The following NDRG2 variants were observed in gnomAD, a reference collection of about 807,000 sequenced individuals.
NDRG2 encodes protein NDRG2.
NDRG2 carries 34 observed loss-of-function variants against 58.2 expected under a neutral mutation model. The ratio of observed to expected loss-of-function variants is 0.58; its 90% CI spans 0.44 to 0.78. The LOEUF (loss-of-function observed/expected upper bound fraction) is 0.78, where lower values mean the gene tolerates loss of function less well. Among genes scored for constraint, NDRG2 ranks in the 30% least tolerant of loss-of-function variants. The pLI is 0.00. For synonymous variants in NDRG2, 187 were observed against 175.9 expected, an observed-to-expected ratio of 1.06 and a Z score of -0.50; for missense variants, 434 against 471.2, an observed-to-expected ratio of 0.92 and a Z score of 0.73.
At position 21,019,558 on chromosome 14, in the gene NDRG2, C is replaced by T; in HGVS notation, c.716+81G>A. On this transcript the variant is annotated intron_variant, in intron 10 of 15. Transcript: ENST00000556147. ...CATTGCACACTACCCAGACTTCCCT[C>T]TCCTCCTCTGTGCCTCCCCCATGAC... 4 of 919,950 alleles carry T rather than the reference C, an allele frequency of 4.3e-6. No individual in the cohort carries two copies. The South Asian group carries it at 4.6e-5, about 11-fold the overall frequency. The allele number at this position is 919,950 out of a possible 1,614,324, so 57.0% of individuals were successfully genotyped here.
intron 3 of NDRG2, 49 bp downstream of exon 3, chr14:21,022,815 G>A (rs1287488247): frequency 1.9e-6 from 3 of 1,589,704 alleles, no homozygotes; most frequent in South Asian, 2.2e-5. Context: ...TTCTACTGGG[G>A]AAGAGGACAG....
chr14:21,070,252 T>G lies in NDRG2; in HGVS notation c.24+576A>C. The G allele has an allele frequency of 4.5e-6, 4 of 895,216 alleles. No individual in the cohort carries two copies. Among genetic ancestry groups the G allele is most frequent in the Non-Finnish European group, 5.7e-6 (4 of 698,498 alleles). The allele number at this position is 895,216 out of a possible 1,614,324, so 55.5% of individuals were successfully genotyped here. ...CCCTCCCTGGCGGGGCCCCGCGGCC[T>G]GGAAGCCGGAGCGGGCCGAGCCGCC... On this transcript the variant is annotated intron_variant, in intron 1 of 14. Coordinates refer to the NDRG2 transcript ENST00000403829. The surrounding 1 kb of genome is among the most constrained non-coding windows in gnomAD (Gnocchi z 4.7).
chr14:21,020,113 G>A, intron 8 of NDRG2, 137 bp from the exon 9 acceptor site: 3 of 702,938 alleles, frequency 4.3e-6, no homozygotes, highest in Non-Finnish European at 7.6e-6. Flanking sequence ...GGCCAAGATG[G>A]TGAAACCCCA....
At chr14:21,020,475 A>G in intron 8 of NDRG2, 21 bp downstream of exon 8, 1 of 1,608,084 alleles carries the variant, frequency 6.2e-7, no homozygotes, top group Non-Finnish European at 8.5e-7. Context: ...CGTAGGTCTC[A>G]GCACACAGGC....
intron 15 of NDRG2, 65 bp downstream of exon 15, chr14:21,017,922 A>G: frequency 6.2e-7 from 1 of 1,613,274 alleles, no homozygotes; most frequent in Non-Finnish European, 8.5e-7. Flanking sequence ...ATTCACCTAA[A>G]ACGGTTCCAC....
intron 1 of NDRG2, 113 bp from the exon 2 acceptor site, chr14:21,023,434 G>A: frequency 2.2e-6 from 2 of 897,546 alleles, no homozygotes; most frequent in Non-Finnish European, 3.5e-6. Context: ...GGGACCCAGG[G>A]GTTGAAGACT....
At chr14:21,047,312 G>C (rs1262757864) in intron 1 of NDRG2, among the ~76,000 whole-genome samples, 1 of 151,896 alleles carries the variant, frequency 6.6e-6, no homozygotes, top group African/African-American at 2.4e-5. Flanking sequence ...GTTACATCTA[G>C]AGTACTCACC....
At chr14:21,033,399 A>C in intron 1 of NDRG2, 1 of 270,616 alleles carries the variant, frequency 3.7e-6, no homozygotes, top group East Asian at 9.9e-5. Flanking sequence ...GAACTGGGGG[A>C]GGCTGACATG....
intron 1 of NDRG2, among the ~76,000 whole-genome samples, chr14:21,056,107 C>T (rs1303028896): frequency 1.3e-5 from 2 of 152,062 alleles, no homozygotes; most frequent in African/African-American, 4.8e-5. Context: ...CTAGGAGCCT[C>T]GGCAAATTTT....
At chr14:21,069,915 A>G (rs1310044204) in intron 1 of NDRG2, among the ~76,000 whole-genome samples, 1 of 152,180 alleles carries the variant, frequency 6.6e-6, no homozygotes, top group Admixed American at 6.5e-5. Flanking sequence ...GGGCGGCCCA[A>G]GGGAATTCAC....
chr14:21,036,068 T>A (rs1274627879), intron 1 of NDRG2: 1 of 392,200 alleles, frequency 2.5e-6, no homozygotes, highest in Non-Finnish European at 5.0e-6. Context: ...ATATCAAGAG[T>A]TTTTAGACCA....
intron 1 of NDRG2, chr14:21,031,749 TG>T: frequency 1.2e-6 from 1 of 860,378 alleles, no homozygotes. Flanking sequence ...CAGCTGTATC[TG>T]GGCCCTAAGA....
At chr14:21,033,584 A>C in intron 1 of NDRG2, 1 of 569,110 alleles carries the variant, frequency 1.8e-6, no homozygotes, top group Non-Finnish European at 3.2e-6. Flanking sequence ...TGGGAGAGGA[A>C]GGATGATGAG....
At position 21,070,347 on chromosome 14, in the gene NDRG2, C is replaced by T. The variant is rs759555308; in HGVS notation, c.24+481G>A. On this transcript the variant is annotated intron_variant, in intron 1 of 14. Coordinates refer to the NDRG2 transcript ENST00000403829. The surrounding 1 kb of genome is among the most constrained non-coding windows in gnomAD (Gnocchi z 4.7). The stretch of plus-strand genomic sequence containing the variant: ...GCGGCGGGAGGGAGGCGGTGGCGCG[C>T]CCGGCCCCGCCCGCCCGACCAAGCG... The T allele has an allele frequency of 1.4e-5, 20 of 1,403,304 alleles. No individual in the cohort carries two copies. The South Asian group carries it at 2.9e-4, about 20-fold the overall frequency. The allele number at this position is 1,403,304 out of a possible 1,614,324, so 86.9% of individuals were successfully genotyped here.
At chr14:21,050,690 C>A (rs147112391) in intron 1 of NDRG2, among the ~76,000 whole-genome samples, 2,317 of 152,260 alleles carry the variant, frequency 0.015, 22 homozygotes, top group Non-Finnish European at 0.022. Flanking sequence ...GTTTTATATG[C>A]TATCTTTAAA....
At chr14:21,054,262 A>C (rs1885585044) in intron 1 of NDRG2, among the ~76,000 whole-genome samples, 1 of 152,084 alleles carries the variant, frequency 6.6e-6, no homozygotes, top group South Asian at 2.1e-4. Context: ...AAGCATAAAT[A>C]TTTCTATCTC....
chr14:21,043,202 C>G, intron 1 of NDRG2: 2 of 1,614,190 alleles, frequency 1.2e-6, no homozygotes, highest in Non-Finnish European at 1.7e-6. Flanking sequence ...ACCTCAACAC[C>G]TTCCTGCACG....
chr14:21,053,195 C>T (rs934838160), intron 1 of NDRG2, among the ~76,000 whole-genome samples: 5 of 152,208 alleles, frequency 3.3e-5, no homozygotes, highest in Middle Eastern at 3.4e-3. Context: ...CTGTTGGTAA[C>T]GTTATTGCCA....
intron 1 of NDRG2, among the ~76,000 whole-genome samples, chr14:21,064,285 C>T (rs1191863211): frequency 6.6e-6 from 1 of 151,716 alleles, no homozygotes; most frequent in Admixed American, 6.6e-5. Flanking sequence ...GAATAGTGAA[C>T]AACCACTTGA....
Sources: allele counts gnomAD v4.1 joint callset (sites outside exome capture counted in the v4.1 genomes callset), GRCh38; gene constraint gnomAD v4.1.1; non-coding constraint Gnocchi (gnomAD v3.1); transcripts MANE v1.5; gene names NCBI Gene and HGNC (gene_info 2026-07-23, HGNC 2026-07-21).